Variants in SH3BGRL2 observed in about 807,000 individuals in gnomAD.
SH3BGRL2 encodes the protein SH3 domain binding glutamate rich protein like 2.
A neutral mutation model predicts 14.8 loss-of-function variants in SH3BGRL2; 21 were observed. The ratio of observed to expected loss-of-function variants is 1.42; its 90% CI spans 1.01 to 2.05. The LOEUF is 2.05. Among genes scored for constraint, SH3BGRL2 ranks in the 30% most tolerant of loss-of-function variants. The probability of loss-of-function intolerance (pLI) is 0.00; values close to 1 mark genes in which losing one functional copy is unlikely to be tolerated. For missense variants in SH3BGRL2, 147 were observed against 130.8 expected, an observed-to-expected ratio of 1.12 and a Z score of -0.61; for synonymous variants, 50 against 47.8, an observed-to-expected ratio of 1.05 and a Z score of -0.19.
upstream of SH3BGRL2, among the ~76,000 whole-genome samples, chr6:79,629,503 AC>A (rs1250363875): frequency 6.6e-6 from 1 of 152,176 alleles, no homozygotes; most frequent in South Asian, 2.1e-4. Flanking sequence ...TGAGCAGATA[AC>A]CCAGTGAGAA....
the SH3BGRL2 span, among the ~76,000 whole-genome samples, chr6:79,580,510 A>G: frequency 1.4e-3 from 218 of 152,342 alleles, no homozygotes; most frequent in African/African-American, 5.0e-3. Context: ...ACACAACTAC[A>G]TAGAATCTGA....
At chr6:79,589,057 T>C in the SH3BGRL2 span, among the ~76,000 whole-genome samples, 1 of 152,134 alleles carries the variant, frequency 6.6e-6, no homozygotes, top group Non-Finnish European at 1.5e-5. Flanking sequence ...TAACCTATAC[T>C]TTAAATCATC....
chr6:79,695,660 C>A (rs750506174), intron 2 of SH3BGRL2, among the ~76,000 whole-genome samples: 10 of 152,168 alleles, frequency 6.6e-5, no homozygotes, highest in Non-Finnish European at 1.2e-4. Context: ...CAGTCTCTAA[C>A]CCGGCAGGCT....
chr6:79,598,469 C>A, the SH3BGRL2 span, among the ~76,000 whole-genome samples: 33,424 of 152,050 alleles, frequency 0.22, 3,926 homozygotes, highest in African/African-American at 0.27. Context: ...CATGAATAAA[C>A]CTTAAAAACT....
intron 1 of SH3BGRL2, among the ~76,000 whole-genome samples, chr6:79,647,168 C>A (rs1464114657): frequency 1.3e-5 from 2 of 152,170 alleles, no homozygotes; most frequent in Non-Finnish European, 2.9e-5. Flanking sequence ...GCAATGTATG[C>A]AGGTTCCAGT....
intron 2 of SH3BGRL2, among the ~76,000 whole-genome samples, chr6:79,693,890 G>C (rs1770278911): frequency 6.6e-6 from 1 of 152,204 alleles, no homozygotes; most frequent in South Asian, 2.1e-4. Flanking sequence ...GGTTGGTAGA[G>C]ACCAACGTGG....
At chr6:79,600,225 A>G in the SH3BGRL2 span, among the ~76,000 whole-genome samples, 22 of 152,252 alleles carry the variant, frequency 1.4e-4, no homozygotes, top group Admixed American at 9.8e-4. Flanking sequence ...ACCTTGCAAC[A>G]TATTTTCTTA....
intron 1 of SH3BGRL2, among the ~76,000 whole-genome samples, chr6:79,656,417 A>G (rs1769418847): frequency 6.6e-6 from 1 of 152,222 alleles, no homozygotes; most frequent in South Asian, 2.1e-4. Context: ...TCTTCCTTCT[A>G]GAATCCACTC....
chr6:79,587,499 A>G, the SH3BGRL2 span, among the ~76,000 whole-genome samples: 1 of 152,360 alleles, frequency 6.6e-6, no homozygotes, highest in Non-Finnish European at 1.5e-5. Context: ...ACAAGGAAAA[A>G]TGATATGTTT....
At chr6:79,559,310 T>C in the SH3BGRL2 span, among the ~76,000 whole-genome samples, 2 of 152,094 alleles carry the variant, frequency 1.3e-5, no homozygotes, top group African/African-American at 4.8e-5. Flanking sequence ...TCTGCAAATT[T>C]TTTTTTGTAA....
intron 2 of SH3BGRL2, among the ~76,000 whole-genome samples, chr6:79,679,605 G>A (rs1769951351): frequency 6.6e-6 from 1 of 152,018 alleles, no homozygotes. Context: ...AAGTGAGATT[G>A]CTAAATAGTA....
upstream of SH3BGRL2, among the ~76,000 whole-genome samples, chr6:79,627,874 C>T (rs1768761360): frequency 6.6e-6 from 1 of 152,084 alleles, no homozygotes; most frequent in Admixed American, 6.5e-5. Flanking sequence ...TCTCCCCTCA[C>T]CCCCAGCCTA....
the SH3BGRL2 span, among the ~76,000 whole-genome samples, chr6:79,624,032 T>G: frequency 6.6e-6 from 1 of 152,110 alleles, no homozygotes; most frequent in Non-Finnish European, 1.5e-5. Flanking sequence ...ATCAAAATAG[T>G]TTCTGAATTC....
At chr6:79,543,034 A>G in the SH3BGRL2 span, among the ~76,000 whole-genome samples, 3 of 152,340 alleles carry the variant, frequency 2.0e-5, no homozygotes, top group African/African-American at 7.2e-5. Context: ...TGACCTCATG[A>G]TCTTAAACAA....
intron 1 of SH3BGRL2, among the ~76,000 whole-genome samples, chr6:79,661,998 G>A (rs1318317821): frequency 6.6e-6 from 1 of 151,838 alleles, no homozygotes; most frequent in East Asian, 1.9e-4. Context: ...CATTTGCTTG[G>A]TAGATCTTCC....
chr6:79,636,997 G>A (rs1768937468), intron 1 of SH3BGRL2, among the ~76,000 whole-genome samples: 1 of 152,160 alleles, frequency 6.6e-6, no homozygotes, highest in South Asian at 2.1e-4. Context: ...ACACATAATA[G>A]CATGCAACAT....
chr6:79,686,834 G>A lies in SH3BGRL2; in HGVS notation c.232-9651G>A, dbSNP rs145168398. Among the ~76,000 whole-genome samples, 144 of 152,262 alleles carry A rather than the reference G, an allele frequency of 9.5e-4. 1 individual carries two copies. Among genetic ancestry groups the A allele is most frequent in the African/African-American group, 3.4e-3 (140 of 41,548 alleles). On this transcript the variant is annotated intron_variant, in intron 2 of 3. Transcript: ENST00000369838. ...AGGAGGGCTAAATAAGACTGTGTAG[G>A]AGAGTGGGGGTAGCATGAAGCAGAC...
At chr6:79,591,195 A>G in the SH3BGRL2 span, among the ~76,000 whole-genome samples, 1 of 152,328 alleles carries the variant, frequency 6.6e-6, no homozygotes, top group African/African-American at 2.4e-5. Flanking sequence ...CTGAACAACT[A>G]AACTACCTTG....
At chr6:79,556,336 A>G in the SH3BGRL2 span, among the ~76,000 whole-genome samples, 4 of 152,092 alleles carry the variant, frequency 2.6e-5, no homozygotes, top group African/African-American at 9.6e-5. Flanking sequence ...TAAAAATACA[A>G]AGTCTCCACT....
Sources: allele counts gnomAD v4.1 joint callset (sites outside exome capture counted in the v4.1 genomes callset), GRCh38; gene constraint gnomAD v4.1.1; transcripts MANE v1.5; gene names NCBI Gene and HGNC (gene_info 2026-07-23, HGNC 2026-07-21).